CDH13: variants seen among roughly 807,000 people sequenced by gnomAD.
CDH13 encodes the protein cadherin 13.
A neutral mutation model predicts 63.8 loss-of-function variants in CDH13; 24 were observed. The ratio of observed to expected loss-of-function variants is 0.38; its 90% CI spans 0.27 to 0.53. The LOEUF (loss-of-function observed/expected upper bound fraction) is 0.53. Among genes scored for constraint, CDH13 ranks in the 20% least tolerant of loss-of-function variants. The probability of loss-of-function intolerance (pLI) is 0.85; values close to 1 mark genes in which losing one functional copy is unlikely to be tolerated. For missense variants in CDH13, 1,049 were observed against 903.1 expected (o/e 1.16, Z -2.07); for synonymous variants, 503 against 355.3 (o/e 1.42, Z -4.67).
chr16:83,650,042 A>C (rs778326351), intron 8 of CDH13, among the ~76,000 whole-genome samples: 1 of 152,176 alleles, frequency 6.6e-6, no homozygotes, highest in Admixed American at 6.5e-5. Flanking sequence ...TCTGAGGCCC[A>C]TTGAGACAGC....
chr16:82,984,455 C>T (rs535174296), intron 2 of CDH13, among the ~76,000 whole-genome samples: 30 of 152,328 alleles, frequency 2.0e-4, no homozygotes, highest in African/African-American at 6.5e-4. Context: ...AGATATTCAA[C>T]TTCTCAGAAC....
In CDH13 at chr16:83,678,359, C is replaced by G. The variant is rs756512499; in HGVS notation, c.1436C>G (p.Pro479Arg). Residue 479 changes from proline (P) to arginine (R), a missense_variant, in exon 10 of 14, where the codon CCA becomes CGA. By Grantham distance (103) the Pro-to-Arg change is moderately radical (BLOSUM62 -2). Coordinates refer to ENST00000567109, the MANE Select transcript of CDH13 (RefSeq NM_001257.5). ...GTCAACGAGGGCCCAGTCTTCTACC[C>G]AGACCCCATGATGGTGACCAGGCAG... Reference protein sequence around the residue: ...LDVNEGPVFYPDPMMVTRQED... With the variant: ...LDVNEGPVFYRDPMMVTRQED... 3 of 1,613,892 alleles carry G rather than the reference C, an allele frequency of 1.9e-6. No homozygotes were observed. Among genetic ancestry groups the G allele is most frequent in the South Asian group, 1.1e-5 (1 of 91,090 alleles).
intron 4 of CDH13, among the ~76,000 whole-genome samples, chr16:83,213,630 T>G (rs571738906): frequency 7.9e-5 from 12 of 152,334 alleles, no homozygotes; most frequent in African/African-American, 2.9e-4. Flanking sequence ...TGTTCGTTGC[T>G]CGTCAGAATG....
intron 2 of CDH13, among the ~76,000 whole-genome samples, chr16:82,920,670 C>T (rs1197077028): frequency 6.6e-6 from 1 of 152,156 alleles, no homozygotes; most frequent in Non-Finnish European, 1.5e-5. Flanking sequence ...GTATTAGGAT[C>T]CATTTTTTAA....
Position 83,211,764 on chromosome 16 carries a change from C to T in CDH13, c.484-5581C>T, listed in dbSNP as rs373462594. On this transcript the variant is annotated intron_variant, in intron 4 of 13. Coordinates refer to ENST00000567109, the MANE Select transcript of CDH13 (RefSeq NM_001257.5). ...AGCTATGCGACGCCCACCTCCCCCCCCCAAACAGCCAGCCAGGAAGTCTCT... is the reference window on the plus strand; with the variant it reads ...AGCTATGCGACGCCCACCTCCCCCCTCCAAACAGCCAGCCAGGAAGTCTCT... Among the ~76,000 whole-genome samples, 84 of 152,208 alleles carry T rather than the reference C, an allele frequency of 5.5e-4. 1 individual carries two copies. The highest frequency in any genetic ancestry group is 1.5e-3 in the South Asian group (7 of 4,822).
At chr16:82,961,695 G>A (rs78493710) in intron 2 of CDH13, among the ~76,000 whole-genome samples, 2,968 of 151,766 alleles carry the variant, frequency 0.02, 103 homozygotes, top group African/African-American at 0.069. Flanking sequence ...CTATTCCAAC[G>A]TACAGCCAGG....
chr16:83,669,076 C>G (rs533157972), intron 8 of CDH13, among the ~76,000 whole-genome samples: 33 of 152,272 alleles, frequency 2.2e-4, no homozygotes, highest in Non-Finnish European at 3.7e-4. Flanking sequence ...GGCTTTACCC[C>G]AGAGCCTGGG....
chr16:83,180,782 C>T (rs2038320586), intron 4 of CDH13: 1 of 877,292 alleles, frequency 1.1e-6, no homozygotes, highest in Non-Finnish European at 1.8e-6. Flanking sequence ...CAAACAAAGG[C>T]TGCTTAATCC....
At chr16:82,693,631 C>G (rs1342343366) in intron 1 of CDH13, among the ~76,000 whole-genome samples, 4 of 152,216 alleles carry the variant, frequency 2.6e-5, no homozygotes, top group Non-Finnish European at 4.4e-5. Flanking sequence ...GGACCACATC[C>G]AAATGATAAG....
At chr16:83,562,047 G>A (rs576211317) in intron 7 of CDH13, among the ~76,000 whole-genome samples, 2 of 152,168 alleles carry the variant, frequency 1.3e-5, no homozygotes, top group African/African-American at 4.8e-5. Flanking sequence ...ATGTGGTCAG[G>A]ACCTTGGAGA....
At chr16:83,546,725 A>G (rs1034657278) in intron 7 of CDH13, among the ~76,000 whole-genome samples, 1 of 152,134 alleles carries the variant, frequency 6.6e-6, no homozygotes, top group South Asian at 2.1e-4. Flanking sequence ...ACCTCAGAGT[A>G]AACACCAGCC....
At chr16:82,767,417 G>A (rs1235492888) in intron 1 of CDH13, among the ~76,000 whole-genome samples, 1 of 152,128 alleles carries the variant, frequency 6.6e-6, no homozygotes, top group African/African-American at 2.4e-5. Context: ...TTTATGTAAG[G>A]CTTCCTTGAC....
intron 7 of CDH13, among the ~76,000 whole-genome samples, chr16:83,548,868 G>A (rs1386660095): frequency 6.6e-6 from 1 of 152,066 alleles, no homozygotes; most frequent in Non-Finnish European, 1.5e-5. Context: ...TGGTTTTCCT[G>A]CCATCACTAT....
chr16:82,707,319 T>C (rs1472830610), intron 1 of CDH13, among the ~76,000 whole-genome samples: 1 of 152,118 alleles, frequency 6.6e-6, no homozygotes, highest in East Asian at 1.9e-4. Flanking sequence ...TAAACATTTG[T>C]AGGGAAGAGA....
chr16:83,385,541 A>G (rs186309291), intron 6 of CDH13, among the ~76,000 whole-genome samples: 1 of 152,320 alleles, frequency 6.6e-6, no homozygotes, highest in East Asian at 1.9e-4. Context: ...TTATAACAAA[A>G]TGTCTAATGC....
At chr16:83,676,913 C>T (rs1915001992) in intron 9 of CDH13, among the ~76,000 whole-genome samples, 1 of 152,230 alleles carries the variant, frequency 6.6e-6, no homozygotes, top group African/African-American at 2.4e-5. Flanking sequence ...ATCAACGGTC[C>T]TTATCTCTGC....
Position 83,524,526 on chromosome 16 carries a change from T to C in CDH13, c.960+37871T>C, listed in dbSNP as rs1311128656. ...GGACTGCAGTGGCGCGCTCTCGGCTTACTGCAAGCTCCGCCTCCTGGGTTC... is the reference window on the plus strand; with the variant it reads ...GGACTGCAGTGGCGCGCTCTCGGCTCACTGCAAGCTCCGCCTCCTGGGTTC... On this transcript the variant is annotated intron_variant, in intron 7 of 13. Transcript: ENST00000567109. Among the ~76,000 whole-genome samples, 5 of 140,540 alleles carry C rather than the reference T, an allele frequency of 3.6e-5. No individual in the cohort carries two copies. In the East Asian group the frequency reaches 1.1e-3, roughly 31 times the overall value. The allele number at this position is 140,540 out of a possible 152,430, so 92.2% of individuals were successfully genotyped here.
chr16:83,777,237 A>G (rs1390073689), intron 11 of CDH13, among the ~76,000 whole-genome samples: 1 of 152,158 alleles, frequency 6.6e-6, no homozygotes, highest in Non-Finnish European at 1.5e-5. Context: ...CCTTTCCGGA[A>G]AGCCTCTGGT....
intron 1 of CDH13, among the ~76,000 whole-genome samples, chr16:82,739,021 G>GTTTTTTATT (rs1367074870): frequency 3.3e-5 from 5 of 152,140 alleles, no homozygotes; most frequent in Admixed American, 3.3e-4. Flanking sequence ...AGCAAGATAC[G>GTTTTTTATT]TTTTTTATTC....
Sources: allele counts gnomAD v4.1 joint callset (sites outside exome capture counted in the v4.1 genomes callset), GRCh38; gene constraint gnomAD v4.1.1; transcripts MANE v1.5; gene names NCBI Gene and HGNC (gene_info 2026-07-23, HGNC 2026-07-21).